The following SBK1 variants were observed in gnomAD, a reference collection of about 807,000 sequenced individuals.
SBK1 encodes serine/threonine-protein kinase SBK1.
SBK1 carries 11 observed loss-of-function variants against 24.4 expected under a neutral mutation model. The ratio of observed to expected loss-of-function variants is 0.45; its 90% CI spans 0.28 to 0.75. SBK1 has a LOEUF of 0.75. Among genes scored for constraint, SBK1 ranks in the 30% least tolerant of loss-of-function variants. SBK1 has a pLI of 0.12. For missense variants in SBK1, 467 were observed against 620.5 expected, an observed-to-expected ratio of 0.75 and a Z score of 2.63; for synonymous variants, 308 against 284.4, an observed-to-expected ratio of 1.08 and a Z score of -0.83.
At position 28,320,750 on chromosome 16, in the gene SBK1, CG is replaced by C; in HGVS notation, c.1105del (p.Ala369ProfsTer26). The C allele has an allele frequency of 8.0e-7, 1 of 1,250,902 alleles. No individual in the cohort carries two copies. Among genetic ancestry groups the C allele is most frequent in the Non-Finnish European group, 1.0e-6 (1 of 988,372 alleles). The allele number at this position is 1,250,902 out of a possible 1,614,324, so 77.5% of individuals were successfully genotyped here. A position where few individuals can be genotyped will look rare whatever the true frequency, so the allele number is the denominator to read the frequency against. ...GCAGCGGCTCCCGGCCCGCGCCCCC[CG>C]CCGTCGGGTCGGTGCCCTTGCCCGT... ...SGSGSRPAPP[A>X]VGSVPLPVPV... On this transcript the variant is annotated frameshift_variant, in exon 4 of 4. Transcript: ENST00000341901. LOFTEE classifies it high-confidence loss of function. The surrounding 1 kb of genome is among the most constrained non-coding windows in gnomAD (Gnocchi z 8.5).
chr16:28,286,824 G>C (rs1287516796), intron 1 of SBK1: 3 of 151,026 alleles, frequency 2.0e-5, no homozygotes, highest in Non-Finnish European at 2.9e-5. Context: ...CTATCAGTAT[G>C]GCCAACTGAA....
At chr16:28,261,916 T>C (rs950581369) in intron 1 of SBK1, among the ~76,000 whole-genome samples, 3 of 152,194 alleles carry the variant, frequency 2.0e-5, no homozygotes, top group Admixed American at 1.3e-4. Context: ...GGGATGTCTC[T>C]CTGCCTCCTG....
At chr16:28,303,070 G>A (rs1228883321) in intron 1 of SBK1, among the ~76,000 whole-genome samples, 1 of 151,552 alleles carries the variant, frequency 6.6e-6, no homozygotes, top group African/African-American at 2.4e-5. Flanking sequence ...CTAGGGGAAG[G>A]CAGAAGGACT....
At chr16:28,289,403 A>G (rs1171732528), upstream of SBK1, among the ~76,000 whole-genome samples, 2 of 152,208 alleles carry the variant, frequency 1.3e-5, no homozygotes, top group Non-Finnish European at 2.9e-5. Flanking sequence ...ACTTGTTTGG[A>G]AAACAAGGAG....
In SBK1 at chr16:28,319,016, T is replaced by A. The variant is rs2044818782; in HGVS notation, c.248T>A (p.Phe83Tyr). The A allele has an allele frequency of 6.2e-7, 1 of 1,613,952 alleles. No individual in the cohort carries two copies. Among genetic ancestry groups the A allele is most frequent in the African/African-American group, 1.3e-5 (1 of 74,882 alleles). ...KGTGTKMALK[F>Y]VNKSKTKLKN... ...TCAGGCACAAAAATGGCACTGAAGT[T>A]TGTGAACAAGAGCAAAACCAAGCTG... The change falls in exon 3 of 4, where the codon TTT (phenylalanine) becomes TAT (tyrosine). Residue 83 changes from phenylalanine (F) to tyrosine (Y), a missense_variant. By Grantham distance (22) the Phe-to-Tyr change is conservative (BLOSUM62 3). This residue lies in a region of SBK1 where 123 missense variants were observed against 158.2 expected (regional missense o/e 0.78). Transcript: ENST00000341901. The surrounding 1 kb of genome is among the most constrained non-coding windows in gnomAD (Gnocchi z 4.0).
rs369650135 is a variant in SBK1 at position 28,282,420 on chromosome 16, T to C, written c.257+22918T>C. 7.9e-5 allele frequency among the ~76,000 whole-genome samples: 12 copies of C among 152,264 alleles called. No homozygotes were observed. In the East Asian group the frequency reaches 1.9e-3, roughly 24 times the overall value. On this transcript the variant is annotated intron_variant, in intron 1 of 3. Transcript: ENST00000671413. ...CACTCAGCTCCCGTCACCCCTCAGA[T>C]CTCAGGGCGGCCATGCCTTCCTCCG...
chr16:28,269,032 C>CT (rs1223749659), intron 1 of SBK1, among the ~76,000 whole-genome samples: 3,822 of 130,188 alleles, frequency 0.029, 209 homozygotes, highest in African/African-American at 0.089. Flanking sequence ...AAGTTCTTTC[C>CT]TTTTTTTTTT....
At chr16:28,304,128 T>A (rs2044699056) in intron 1 of SBK1, among the ~76,000 whole-genome samples, 1 of 152,208 alleles carries the variant, frequency 6.6e-6, no homozygotes, top group Admixed American at 6.5e-5. Flanking sequence ...ACTCATTGTT[T>A]ATAGTAATAG....
Position 28,317,470 on chromosome 16 carries a change from G to A in SBK1, c.79G>A (p.Ala27Thr), listed in dbSNP as rs780755678. The change falls in exon 2 of 4, where the codon GCC (alanine) becomes ACC (threonine). Residue 27 changes from alanine to threonine, a missense_variant. Ala to Thr is a moderately conservative substitution (Grantham distance 58, BLOSUM62 0). Coordinates refer to ENST00000341901, the MANE Select transcript of SBK1 (RefSeq NM_001024401.3). This position sits in a 1 kb window ranked among gnomAD's most constrained non-coding sequence, Gnocchi z 4.2. ...GCCGGGGACTGCCCCTGGGCCTGGT[G>A]CCGGTGTGCCCCTTCTCACTGAAGA... ...CGPGTAPGPG[A>T]GVPLLTEDMQ... 3 of 1,614,182 alleles carry A rather than the reference G, an allele frequency of 1.9e-6. No homozygotes were observed. The highest frequency in any genetic ancestry group is 1.7e-6 in the Non-Finnish European group (2 of 1,180,030).
At position 28,319,414 on chromosome 16, in the gene SBK1, G is replaced by A. The variant is rs1242241853; in HGVS notation, c.429+217G>A. ...CACAGCGGGCCAGATAATAACAGAT[G>A]GAGATGAGTGCCTAAAAGGAGACAG... On this transcript the variant is annotated intron_variant, in intron 3 of 3. Transcript: ENST00000341901. The surrounding 1 kb of genome is among the most constrained non-coding windows in gnomAD (Gnocchi z 4.0). Among the ~76,000 whole-genome samples, 1 of 152,144 alleles carries A rather than the reference G, an allele frequency of 6.6e-6. No homozygotes were observed. The highest frequency in any genetic ancestry group is 6.5e-5 in the Admixed American group (1 of 15,268).
chr16:28,270,225 A>G (rs796825596), intron 1 of SBK1, among the ~76,000 whole-genome samples: 4 of 151,346 alleles, frequency 2.6e-5, no homozygotes, highest in African/African-American at 9.7e-5. Flanking sequence ...CCACAGCCAG[A>G]TAATTTTTGT....
At chr16:28,282,907 TTTTATTTATTTA>T (rs10609962) in intron 1 of SBK1, among the ~76,000 whole-genome samples, 1 of 149,984 alleles carries the variant, frequency 6.7e-6, no homozygotes, top group Non-Finnish European at 1.5e-5. Flanking sequence ...ACTCTCGCAT[TTTTATTTATTTA>T]TTTATTTATT....
intron 1 of SBK1, among the ~76,000 whole-genome samples, chr16:28,272,619 C>CTTTTTTTTTTTT: frequency 1.0e-3 from 109 of 105,964 alleles, no homozygotes; most frequent in East Asian, 1.6e-3. Flanking sequence ...TTCTTTCTTT[C>CTTTTTTTTTTTT]TTTTTTTTTT....
Position 28,322,931 on chromosome 16 carries a change from C to CCTCTCTCTCTCTCT in SBK1, c.*2046_*2059dup, listed in dbSNP as rs1160741491. 2.9e-4 allele frequency: 16 copies of CCTCTCTCTCTCTCT among 55,388 alleles called. No homozygotes were observed. The highest frequency in any genetic ancestry group is 1.2e-3 in the African/African-American group (15 of 12,212). 3.4% of individuals were successfully genotyped at this position (55,388 alleles called of 1,614,324 possible). A position where few individuals can be genotyped will look rare whatever the true frequency, so the allele number is the denominator to read the frequency against. ...CTCTCTCGCGCGCGCTCTCTCTCTC[C>CCTCTCTCTCTCTCT]CTCTCTCTCTCTCTCTCTCTCTCTC... On this transcript the variant is annotated 3_prime_UTR_variant, in exon 4 of 4. Coordinates refer to ENST00000341901, the MANE Select transcript of SBK1 (RefSeq NM_001024401.3).
chr16:28,280,094 G>A (rs1457147785), intron 1 of SBK1, among the ~76,000 whole-genome samples: 2 of 117,128 alleles, frequency 1.7e-5, no homozygotes, highest in African/African-American at 6.7e-5. Context: ...TGGCCACCAT[G>A]CCTCCCTAAT....
chr16:28,287,286 C>A (rs28573774), intron 1 of SBK1, among the ~76,000 whole-genome samples: 117 of 124,806 alleles, frequency 9.4e-4, no homozygotes, highest in South Asian at 1.6e-3. Flanking sequence ...ACTAAAAATA[C>A]AAAAAAAAAA....
At chr16:28,298,319 C>T (rs1462231988) in intron 1 of SBK1, among the ~76,000 whole-genome samples, 1 of 152,210 alleles carries the variant, frequency 6.6e-6, no homozygotes, top group Admixed American at 6.5e-5. Flanking sequence ...GGAACATCTC[C>T]TAGTGTCAAG....
chr16:28,299,724 C>A (rs2044666247), intron 1 of SBK1, among the ~76,000 whole-genome samples: 1 of 152,302 alleles, frequency 6.6e-6, no homozygotes, highest in Middle Eastern at 3.4e-3. Flanking sequence ...TTGACACTGT[C>A]ACTTTTCACT....
chr16:28,272,879 C>T (rs572206453), intron 1 of SBK1, among the ~76,000 whole-genome samples: 3 of 152,134 alleles, frequency 2.0e-5, no homozygotes, highest in African/African-American at 7.2e-5. Flanking sequence ...TTCGGCCTCC[C>T]AAAGTGCTGG....
Sources: allele counts gnomAD v4.1 joint callset (sites outside exome capture counted in the v4.1 genomes callset), GRCh38; gene constraint gnomAD v4.1.1; regional missense constraint gnomAD v4.1.1; non-coding constraint Gnocchi (gnomAD v3.1); transcripts MANE v1.5; gene names NCBI Gene and HGNC (gene_info 2026-07-23, HGNC 2026-07-21).